The following BNC2 variants were observed in gnomAD, a reference collection of about 807,000 sequenced individuals.
BNC2 encodes zinc finger protein basonuclin-2.
In BNC2, 20 loss-of-function variants were observed where a neutral mutation model predicts 76.3. The observed-to-expected ratio is 0.26, with a 90% CI of 0.18 to 0.38. The LOEUF (loss-of-function observed/expected upper bound fraction) is 0.38. Ranked by LOEUF, BNC2 falls within the 10% of genes least tolerant of loss-of-function variation. The pLI, the probability that BNC2 is intolerant of heterozygous loss-of-function variation, is 1.00. For synonymous variants in BNC2, 582 were observed against 514.8 expected (o/e 1.13, Z -1.77); for missense variants, 1,382 against 1,399.8 (o/e 0.99, Z 0.20).
intron 5 of BNC2, among the ~76,000 whole-genome samples, chr9:16,531,404 A>G (rs1225488404): frequency 6.6e-6 from 1 of 152,026 alleles, no homozygotes; most frequent in Non-Finnish European, 1.5e-5. Flanking sequence ...ATAAGAAAAA[A>G]AAAAACAAAA....
rs184757611 is a variant in BNC2 at position 16,575,320 on chromosome 9, C to T, written c.433+7663G>A. 42 of 985,394 alleles carry T rather than the reference C, an allele frequency of 4.3e-5. No individual in the cohort carries two copies. The Admixed American group carries it at 4.9e-4, about 12-fold the overall frequency. The allele number at this position is 985,394 out of a possible 1,614,324, so 61.0% of individuals were successfully genotyped here. On this transcript the variant is annotated intron_variant, in intron 4 of 6. Coordinates refer to ENST00000380672, the MANE Select transcript of BNC2 (RefSeq NM_017637.6). ...GTGTTTCATTCTCAACACCCTCCCA[C>T]GAAACTCCTTACCAGCAGACCAGCA...
chr9:16,847,086 C>G (rs996376457), intron 1 of BNC2, among the ~76,000 whole-genome samples: 5 of 152,132 alleles, frequency 3.3e-5, no homozygotes, highest in Non-Finnish European at 7.3e-5. Context: ...ATCTCTGTAG[C>G]AGGTCCTCAA....
chr9:16,619,581 C>T (rs1820806893), intron 3 of BNC2, among the ~76,000 whole-genome samples: 1 of 152,168 alleles, frequency 6.6e-6, no homozygotes. Context: ...CACTAACAAA[C>T]TATTTGACAT....
intron 3 of BNC2, among the ~76,000 whole-genome samples, chr9:16,593,330 A>T (rs900845261): frequency 6.6e-6 from 1 of 152,176 alleles, no homozygotes; most frequent in Non-Finnish European, 1.5e-5. Context: ...ACACACAGGC[A>T]TATAAATTTT....
intron 5 of BNC2, among the ~76,000 whole-genome samples, chr9:16,478,219 TG>T (rs1304430410): frequency 6.6e-6 from 1 of 152,162 alleles, no homozygotes; most frequent in Non-Finnish European, 1.5e-5. Context: ...CCCTTACAGA[TG>T]GGGAGGAGGA....
intron 3 of BNC2, among the ~76,000 whole-genome samples, chr9:16,702,668 A>C (rs768050544): frequency 5.9e-5 from 9 of 152,168 alleles, no homozygotes; most frequent in Admixed American, 5.2e-4. Context: ...CAAAAATTCA[A>C]GCTTCCCAAG....
At chr9:16,798,116 T>C (rs1817700152) in intron 1 of BNC2, among the ~76,000 whole-genome samples, 2 of 152,230 alleles carry the variant, frequency 1.3e-5, no homozygotes, top group Admixed American at 6.5e-5. Context: ...TGGTTGTTAC[T>C]AGCTTCTGTC....
At chr9:16,490,705 T>C (rs572270716) in intron 5 of BNC2, among the ~76,000 whole-genome samples, 1 of 152,222 alleles carries the variant, frequency 6.6e-6, no homozygotes, top group Non-Finnish European at 1.5e-5. Context: ...TTGTGCTGGG[T>C]TGAAAGTATT....
At position 16,560,835 on chromosome 9, in the gene BNC2, A is replaced by C. The variant is rs1818989510; in HGVS notation, c.434-8070T>G. Reference sequence around the variant, plus strand: ...CAATAGTTGTCACATGGGAGACATGACACCTATCCAGCAGGAACAAAAGCT... The same window carrying C: ...CAATAGTTGTCACATGGGAGACATGCCACCTATCCAGCAGGAACAAAAGCT... On this transcript the variant is annotated intron_variant, in intron 4 of 6. Transcript: ENST00000380672. Among the ~76,000 whole-genome samples, 3 of 152,374 alleles carry C rather than the reference A, an allele frequency of 2.0e-5. No homozygotes were observed. In the South Asian group the frequency reaches 6.2e-4, roughly 32 times the overall value.
intron 5 of BNC2, among the ~76,000 whole-genome samples, chr9:16,525,342 T>C (rs1465196388): frequency 6.6e-6 from 1 of 152,006 alleles, no homozygotes; most frequent in African/African-American, 2.4e-5. Flanking sequence ...TATGAACAAC[T>C]ATTCACAATA....
At chr9:16,654,415 T>C (rs971348493) in intron 3 of BNC2, among the ~76,000 whole-genome samples, 25 of 152,278 alleles carry the variant, frequency 1.6e-4, no homozygotes, top group South Asian at 6.2e-4. Context: ...CTTTTAATAA[T>C]TACCTTTACT....
intron 5 of BNC2, among the ~76,000 whole-genome samples, chr9:16,441,644 A>G (rs985659621): frequency 5.3e-5 from 8 of 152,230 alleles, no homozygotes; most frequent in Non-Finnish European, 1.0e-4. Flanking sequence ...AAATGGACCA[A>G]TGTCAGTTGG....
At chr9:16,579,916 T>C in intron 4 of BNC2, 1 of 394,106 alleles carries the variant, frequency 2.5e-6, no homozygotes, top group Non-Finnish European at 4.5e-6. Flanking sequence ...AATTTTTTTA[T>C]TGACATAATG....
chr9:16,458,467 C>A (rs1247021416), intron 5 of BNC2, among the ~76,000 whole-genome samples: 1 of 152,142 alleles, frequency 6.6e-6, no homozygotes, highest in Non-Finnish European at 1.5e-5. Context: ...AGAAAATCTT[C>A]ATTGTTGTCT....
intron 4 of BNC2, among the ~76,000 whole-genome samples, chr9:16,571,700 G>T (rs890145064): frequency 6.6e-6 from 1 of 151,696 alleles, no homozygotes; most frequent in Non-Finnish European, 1.5e-5. Context: ...TAATGTAATT[G>T]TCTGCCTCTC....
intron 3 of BNC2, among the ~76,000 whole-genome samples, chr9:16,619,371 C>G (rs1401549051): frequency 6.6e-6 from 1 of 151,944 alleles, no homozygotes; most frequent in East Asian, 1.9e-4. Flanking sequence ...ACCCTTCTGG[C>G]ACAGCAGGCT....
intron 1 of BNC2, among the ~76,000 whole-genome samples, chr9:16,749,069 T>TA (rs61400372): frequency 0.86 from 130,284 of 151,346 alleles, 56,473 homozygotes; most frequent in Non-Finnish European, 0.91. Context: ...ATTCAGTATG[T>TA]AAGCTTGTAA....
intron 3 of BNC2, among the ~76,000 whole-genome samples, chr9:16,598,841 A>G (rs1029294979): frequency 6.6e-6 from 1 of 152,174 alleles, no homozygotes; most frequent in East Asian, 1.9e-4. Context: ...TATTCCTTCT[A>G]CCTGGAAATT....
intron 5 of BNC2, among the ~76,000 whole-genome samples, chr9:16,448,327 T>A (rs982022263): frequency 6.6e-6 from 1 of 152,038 alleles, no homozygotes; most frequent in East Asian, 1.9e-4. Flanking sequence ...ACAGCAAAAA[T>A]AGGCGCAAAA....
Sources: gnomAD v4.1 joint callset for allele counts (sites outside exome capture counted in the v4.1 genomes callset) on GRCh38, gnomAD v4.1.1 for gene constraint, MANE v1.5 for transcripts, NCBI Gene and HGNC (gene_info 2026-07-23, HGNC 2026-07-21) for gene names.